Variants in PMS2 observed in about 807,000 individuals in gnomAD.
PMS2 encodes mismatch repair endonuclease PMS2.
Under a neutral mutation model 90.0 loss-of-function variants are expected in PMS2, and 69 were observed. The ratio of observed to expected loss-of-function variants is 0.77; its 90% confidence interval spans 0.63 to 0.94. PMS2 has a LOEUF of 0.94. Ranked by LOEUF, PMS2 falls within the 40% of genes least tolerant of loss-of-function variation. The pLI, the probability that PMS2 is intolerant of heterozygous loss-of-function variation, is 0.00. For synonymous variants in PMS2, 332 were observed against 375.1 expected, an observed-to-expected ratio of 0.89 and a Z score of 1.33; for missense variants, 966 against 1,040.2, an observed-to-expected ratio of 0.93 and a Z score of 0.98.
At chr7:6,005,563 T>C (rs902537454) in intron 2 of PMS2, among the ~76,000 whole-genome samples, 1 of 152,190 alleles carries the variant, frequency 6.6e-6, no homozygotes, top group African/African-American at 2.4e-5. Context: ...TCTTGAACTC[T>C]TGGCCTCAAG....
intron 6 of PMS2, among the ~76,000 whole-genome samples, chr7:5,998,856 T>C (rs1310511407): frequency 6.6e-6 from 1 of 151,528 alleles, no homozygotes; most frequent in African/African-American, 2.4e-5. Context: ...CCTGGCGTAG[T>C]GGAGCATGCT....
Position 6,005,760 on chromosome 7 carries a change from C to G in PMS2, c.163+132G>C, listed in dbSNP as rs9655491. On this transcript the variant is annotated intron_variant, in intron 2 of 14. Transcript: ENST00000265849. The stretch of plus-strand genomic sequence containing the variant: ...CTAAGTACTAGGCACATAATAGGTG[C>G]TAACTTCAACTTAAAAATAATAATT... 781 of 1,401,698 alleles carry G rather than the reference C, an allele frequency of 5.6e-4. 1 individual carries two copies. In the African/African-American group the frequency reaches 0.01, roughly 18 times the overall value. 86.8% of individuals were successfully genotyped at this position (1,401,698 alleles called of 1,614,324 possible).
intron 1 of PMS2, among the ~76,000 whole-genome samples, chr7:6,006,355 G>A (rs548899291): frequency 6.6e-6 from 1 of 152,152 alleles, no homozygotes; most frequent in Admixed American, 6.6e-5. Flanking sequence ...CTTCTTTCTT[G>A]AAAAGTGAAA....
chr7:5,988,915 G>A (rs1332462476), intron 10 of PMS2, among the ~76,000 whole-genome samples: 3 of 152,058 alleles, frequency 2.0e-5, no homozygotes, highest in Non-Finnish European at 4.4e-5. Context: ...GAGTGCAGTG[G>A]CACAATCTTG....
intron 11 of PMS2, among the ~76,000 whole-genome samples, chr7:5,984,133 C>T (rs1230254651): frequency 1.3e-5 from 2 of 151,766 alleles, no homozygotes; most frequent in African/African-American, 2.4e-5. Flanking sequence ...GTGAGACAGA[C>T]GCTAGAGGGA....
intron 1 of PMS2, among the ~76,000 whole-genome samples, chr7:6,007,907 C>T (rs1477961810): frequency 6.7e-6 from 1 of 148,520 alleles, no homozygotes; most frequent in African/African-American, 2.5e-5. Context: ...TTGCCCAGGC[C>T]GGACTGCAGT....
Position 6,009,012 on chromosome 7 carries a change from C to G in PMS2, c.8G>C (p.Arg3Pro), listed in dbSNP as rs375507981. ...CCCCGCTCACCTCGAGCTCTCAGCTCGCTCCATGGATGCAACACCCGATCC... is the reference window on the plus strand; with the variant it reads ...CCCCGCTCACCTCGAGCTCTCAGCTGGCTCCATGGATGCAACACCCGATCC... ME[R>P]AESSSTEPAK... Residue 3 changes from arginine to proline, a missense_variant, in exon 1 of 15, where the codon CGA becomes CCA. Coordinates refer to ENST00000265849, the MANE Select transcript of PMS2 (RefSeq NM_000535.7). 2.5e-6 allele frequency: 4 copies of G among 1,612,628 alleles called. No homozygotes were observed. Among genetic ancestry groups the G allele is most frequent in the East Asian group, 2.2e-5 (1 of 44,876 alleles).
chr7:5,998,729 C>T (rs1784727523), intron 6 of PMS2, among the ~76,000 whole-genome samples: 1 of 149,882 alleles, frequency 6.7e-6, no homozygotes, highest in Non-Finnish European at 1.5e-5. Context: ...TGGTGGCTCA[C>T]ACCTGTAATC....
At chr7:5,998,930 C>T (rs1186524090) in intron 6 of PMS2, among the ~76,000 whole-genome samples, 178 bp downstream of exon 6, 1 of 150,462 alleles carries the variant, frequency 6.6e-6, no homozygotes, top group Non-Finnish European at 1.5e-5. Flanking sequence ...GCGGAGGTTG[C>T]AGTGAGCCAA....
chr7:5,996,590 A>AAAAAAATATATAT (rs56858711), intron 7 of PMS2, among the ~76,000 whole-genome samples: 1 of 110,200 alleles, frequency 9.1e-6, no homozygotes, highest in Non-Finnish European at 1.7e-5. Flanking sequence ...AAAAAAAAAA[A>AAAAAAATATATAT]ATATATATAT....
At chr7:6,006,290 G>A (rs1376037616) in intron 1 of PMS2, among the ~76,000 whole-genome samples, 1 of 152,036 alleles carries the variant, frequency 6.6e-6, no homozygotes, top group East Asian at 1.9e-4. Context: ...GATCCACATG[G>A]AGAAAACATA....
At chr7:6,005,665 T>C (rs1333964137) in intron 2 of PMS2, among the ~76,000 whole-genome samples, 2 of 152,186 alleles carry the variant, frequency 1.3e-5, no homozygotes, top group East Asian at 3.8e-4. Flanking sequence ...TTCTGTGCAA[T>C]TCTTAGCATA....
At chr7:5,995,732 C>A in intron 7 of PMS2, 99 bp from the exon 8 acceptor site, 1 of 840,802 alleles carries the variant, frequency 1.2e-6, no homozygotes, top group Non-Finnish European at 2.1e-6. Flanking sequence ...AAACAAAACA[C>A]CAGGTGACAT....
intron 1 of PMS2, among the ~76,000 whole-genome samples, chr7:6,007,945 C>T (rs111277664): frequency 0.15 from 22,857 of 151,302 alleles, 2,236 homozygotes; most frequent in African/African-American, 0.28. Flanking sequence ...CTGCAACCTC[C>T]GCCTCCTGGG....
chr7:5,989,299 T>C (rs772561567), intron 10 of PMS2, among the ~76,000 whole-genome samples: 79 of 151,644 alleles, frequency 5.2e-4, no homozygotes, highest in Non-Finnish European at 7.5e-4. Context: ...GGTGTGGTGG[T>C]GGGCGCCTGT....
chr7:5,995,772 G>T, intron 7 of PMS2, 139 bp from the exon 8 acceptor site: 1 of 703,290 alleles, frequency 1.4e-6, no homozygotes, highest in Non-Finnish European at 2.6e-6. Context: ...GCAGTTCACG[G>T]GTATCTGTGC....
chr7:5,997,264 T>A (rs1028602907), intron 7 of PMS2, 62 bp downstream of exon 7: 47 of 813,612 alleles, frequency 5.8e-5, no homozygotes, highest in Middle Eastern at 4.5e-4. Context: ...TCACTATCTT[T>A]AAAAAAAAAG....
chr7:5,994,804 C>G (rs1192810025), intron 8 of PMS2, among the ~76,000 whole-genome samples: 1 of 151,740 alleles, frequency 6.6e-6, no homozygotes, highest in Non-Finnish European at 1.5e-5. Context: ...AAAGAAAATA[C>G]TGTATGTCAA....
chr7:5,986,276 T>G (rs1294809722), intron 11 of PMS2, among the ~76,000 whole-genome samples: 1 of 151,782 alleles, frequency 6.6e-6, no homozygotes. Flanking sequence ...GGTCTCCCTA[T>G]GTTGTCCAGG....
Sources: gnomAD v4.1 joint callset for allele counts (sites outside exome capture counted in the v4.1 genomes callset) on GRCh38, gnomAD v4.1.1 for gene constraint, MANE v1.5 for transcripts, NCBI Gene and HGNC (gene_info 2026-07-23, HGNC 2026-07-21) for gene names.